The following SLC24A3 variants were observed in gnomAD, a reference collection of about 807,000 sequenced individuals.
SLC24A3 encodes solute carrier family 24 member 3.
Under a neutral mutation model 75.8 loss-of-function variants are expected in SLC24A3, and 28 were observed. The observed-to-expected ratio is 0.37, with a 90% CI of 0.27 to 0.51. The LOEUF (loss-of-function observed/expected upper bound fraction) is 0.51, where lower values mean the gene tolerates loss of function less well. Ranked by LOEUF, SLC24A3 falls within the 20% of genes least tolerant of loss-of-function variation. The pLI, the probability that SLC24A3 is intolerant of heterozygous loss-of-function variation, is 0.94. For synonymous variants in SLC24A3, 372 were observed against 334.1 expected (o/e 1.11, Z -1.24); for missense variants, 663 against 847.8 (o/e 0.78, Z 2.71).
chr20:19,429,832 C>A (rs6112375), intron 2 of SLC24A3, among the ~76,000 whole-genome samples: 1 of 151,894 alleles, frequency 6.6e-6, no homozygotes, highest in South Asian at 2.1e-4. Flanking sequence ...TTATGCTCTC[C>A]TCATTTGATT....
intron 3 of SLC24A3, among the ~76,000 whole-genome samples, chr20:19,552,145 T>C (rs1489629296): frequency 2.0e-5 from 3 of 152,206 alleles, no homozygotes; most frequent in Non-Finnish European, 4.4e-5. Context: ...AGTATTTCTG[T>C]CCCCTTAAAA....
intron 15 of SLC24A3, among the ~76,000 whole-genome samples, chr20:19,713,314 G>T (rs563360062): frequency 1.1e-4 from 16 of 152,318 alleles, no homozygotes; most frequent in Admixed American, 5.9e-4. Context: ...ATAGCAGCAT[G>T]CTGGGTTTAA....
intron 6 of SLC24A3, among the ~76,000 whole-genome samples, chr20:19,613,128 C>T (rs1249818806): frequency 6.6e-6 from 1 of 152,236 alleles, no homozygotes; most frequent in African/African-American, 2.4e-5. Context: ...CGTCCCCACC[C>T]AGAACCCCCA....
chr20:19,709,022 G>A (rs2032960584), intron 15 of SLC24A3, among the ~76,000 whole-genome samples: 1 of 152,128 alleles, frequency 6.6e-6, no homozygotes, highest in Non-Finnish European at 1.5e-5. Flanking sequence ...AGCAGTATGA[G>A]AGTGGAGAGG....
intron 8 of SLC24A3, among the ~76,000 whole-genome samples, chr20:19,669,489 A>G (rs1409096776): frequency 9.9e-5 from 15 of 151,918 alleles, no homozygotes; most frequent in African/African-American, 3.4e-4. Context: ...GTGACCGAGC[A>G]AGACTCTGTC....
intron 9 of SLC24A3, among the ~76,000 whole-genome samples, chr20:19,679,259 C>T (rs865960615): frequency 2.4e-4 from 35 of 146,232 alleles, no homozygotes; most frequent in African/African-American, 8.1e-4. Context: ...CCAGCACCTC[C>T]GGAGGCCGAG....
At chr20:19,272,718 G>A (rs978889750) in intron 1 of SLC24A3, among the ~76,000 whole-genome samples, 2 of 152,326 alleles carry the variant, frequency 1.3e-5, no homozygotes. Context: ...TTTTCTGTAC[G>A]CTGTGCCTCC....
chr20:19,639,980 C>G (rs1372711752), intron 6 of SLC24A3, among the ~76,000 whole-genome samples: 1 of 152,246 alleles, frequency 6.6e-6, no homozygotes. Context: ...GGCCCGCAAG[C>G]GCGGAGCGCA....
intron 6 of SLC24A3, among the ~76,000 whole-genome samples, chr20:19,620,419 G>A (rs2031788690): frequency 6.6e-6 from 1 of 152,170 alleles, no homozygotes. Flanking sequence ...GCTCTGCAAG[G>A]AGAAACATTA....
chr20:19,277,523 T>C (rs2122218960), intron 1 of SLC24A3, among the ~76,000 whole-genome samples: 1 of 152,336 alleles, frequency 6.6e-6, no homozygotes, highest in African/African-American at 2.4e-5. Flanking sequence ...TGCTATAATA[T>C]TGTCAAACTT....
At chr20:19,638,026 TG>T (rs2032022262) in intron 6 of SLC24A3, among the ~76,000 whole-genome samples, 1 of 152,178 alleles carries the variant, frequency 6.6e-6, no homozygotes, top group Non-Finnish European at 1.5e-5. Flanking sequence ...TGTGCTGTGG[TG>T]GTTTCCTGCA....
chr20:19,684,024 G>A, intron 10 of SLC24A3, 152 bp from the exon 11 acceptor site: 1 of 818,746 alleles, frequency 1.2e-6, no homozygotes, highest in Non-Finnish European at 1.9e-6. Context: ...AAGAAATAAG[G>A]AAAGAAGAGT....
chr20:19,566,227 C>T (rs979376399), intron 3 of SLC24A3, among the ~76,000 whole-genome samples: 3 of 152,208 alleles, frequency 2.0e-5, no homozygotes, highest in African/African-American at 4.8e-5. Flanking sequence ...GTCCATTACT[C>T]AAAATCAAGA....
At chr20:19,515,904 C>T (rs184911017) in intron 3 of SLC24A3, among the ~76,000 whole-genome samples, 14 of 152,268 alleles carry the variant, frequency 9.2e-5, no homozygotes, top group Non-Finnish European at 1.6e-4. Flanking sequence ...TCTGAAATGC[C>T]GCCATATTTC....
chr20:19,481,848 T>G (rs1007844069), intron 2 of SLC24A3, among the ~76,000 whole-genome samples: 2 of 152,134 alleles, frequency 1.3e-5, no homozygotes, highest in Non-Finnish European at 2.9e-5. Context: ...GGGTTCTTCT[T>G]TGAGCTCTAG....
intron 1 of SLC24A3, among the ~76,000 whole-genome samples, chr20:19,221,585 T>C (rs1319889898): frequency 6.6e-6 from 1 of 152,190 alleles, no homozygotes; most frequent in Non-Finnish European, 1.5e-5. Context: ...CCTCTACACT[T>C]AGAAGATAGT....
intron 7 of SLC24A3, 68 bp from the exon 8 acceptor site, chr20:19,665,796 T>C (rs1225156853): frequency 2.8e-5 from 7 of 245,766 alleles, no homozygotes; most frequent in East Asian, 1.6e-4. Context: ...TTAAAGCGTG[T>C]GTGTGTGTGT....
intron 1 of SLC24A3, chr20:19,244,317 A>G (rs1334596311): frequency 6.6e-6 from 1 of 152,146 alleles, no homozygotes; most frequent in Non-Finnish European, 1.5e-5. Flanking sequence ...TCCGTTAGAT[A>G]CTCACACTGT....
intron 2 of SLC24A3, among the ~76,000 whole-genome samples, chr20:19,507,302 G>T (rs1463262857): frequency 1.3e-5 from 2 of 152,308 alleles, no homozygotes; most frequent in Non-Finnish European, 2.9e-5. Flanking sequence ...AAAAATTGCT[G>T]CAAGGCAAAC....
Sources: gnomAD v4.1 joint callset for allele counts (sites outside exome capture counted in the v4.1 genomes callset) on GRCh38, gnomAD v4.1.1 for gene constraint, MANE v1.5 for transcripts, NCBI Gene and HGNC (gene_info 2026-07-23, HGNC 2026-07-21) for gene names.